BTBD10: variants seen among roughly 807,000 people sequenced by gnomAD.
The protein encoded by BTBD10 is BTB/POZ domain-containing protein 10.
A neutral mutation model predicts 53.2 loss-of-function variants in BTBD10; 21 were observed. The observed-to-expected ratio is 0.39, with a 90% CI of 0.28 to 0.57. The LOEUF (loss-of-function observed/expected upper bound fraction) is 0.57, where lower values mean the gene tolerates loss of function less well. Among genes scored for constraint, BTBD10 ranks in the 20% least tolerant of loss-of-function variants. The probability of loss-of-function intolerance (pLI) is 0.53; values close to 1 mark genes in which losing one functional copy is unlikely to be tolerated. For synonymous variants in BTBD10, 149 were observed against 192.7 expected (o/e 0.77, Z 1.88); for missense variants, 360 against 594.7 (o/e 0.61, Z 4.10).
chr11:13,402,426 G>A (rs1949733783), intron 8 of BTBD10, among the ~76,000 whole-genome samples: 1 of 152,100 alleles, frequency 6.6e-6, no homozygotes, highest in Non-Finnish European at 1.5e-5. Flanking sequence ...CATTTTAGAG[G>A]AAAGAAACTG....
intron 2 of BTBD10, chr11:13,439,955 C>T: frequency 6.5e-7 from 1 of 1,534,904 alleles, no homozygotes. Context: ...TATAAAGGGA[C>T]TCTGCTCTTT....
intron 2 of BTBD10, among the ~76,000 whole-genome samples, chr11:13,436,984 T>C (rs1323402889): frequency 6.6e-6 from 1 of 152,178 alleles, no homozygotes; most frequent in African/African-American, 2.4e-5. Flanking sequence ...GGTTTCACCA[T>C]GTTGTCCAGG....
rs889525495 is a variant in BTBD10, at chr11:13,444,983, T to C, written c.101+41A>G. 2.7e-6 allele frequency: 4 copies of C among 1,495,950 alleles called. No homozygotes were observed. The Admixed American group carries it at 6.7e-5, about 25-fold the overall frequency. 92.7% of individuals were successfully genotyped at this position (1,495,950 alleles called of 1,614,324 possible). ...AGTAGTATTCTTTACAATCAGTTTTTAGCAGAGCTTTCATATGCGAAATAC... is the reference window on the plus strand; with the variant it reads ...AGTAGTATTCTTTACAATCAGTTTTCAGCAGAGCTTTCATATGCGAAATAC... On this transcript the variant is annotated intron_variant, in intron 2 of 8. Coordinates refer to ENST00000278174, the MANE Select transcript of BTBD10 (RefSeq NM_032320.7).
chr11:13,459,248 C>T (rs1332914735), intron 1 of BTBD10, among the ~76,000 whole-genome samples: 3 of 151,432 alleles, frequency 2.0e-5, no homozygotes, highest in African/African-American at 4.8e-5. Flanking sequence ...TTAGTAGAGA[C>T]GGGGTTTCAC....
intron 2 of BTBD10, among the ~76,000 whole-genome samples, chr11:13,431,044 T>C (rs1950440009): frequency 1.3e-5 from 2 of 151,456 alleles, no homozygotes; most frequent in South Asian, 4.2e-4. Flanking sequence ...AATTGACCTC[T>C]TGGCCAAAAC....
rs1033602034 is a variant in BTBD10, at chr11:13,462,054, A to G, written c.-58+1038T>C. ...TCCTGGGTTTCAGGACTGAACTTCA[A>G]TCCTGGACAGGCTCTCTAATACAGA... On this transcript the variant is annotated intron_variant, in intron 1 of 8. Transcript: ENST00000278174. Among the ~76,000 whole-genome samples the G allele has an allele frequency of 3.3e-5, 5 of 151,754 alleles. No homozygotes were observed. The East Asian group carries it at 5.8e-4, about 18-fold the overall frequency.
At chr11:13,457,512 G>A (rs1021453297) in intron 1 of BTBD10, among the ~76,000 whole-genome samples, 2 of 152,146 alleles carry the variant, frequency 1.3e-5, no homozygotes, top group Non-Finnish European at 1.5e-5. Flanking sequence ...AGTATTCATT[G>A]TACTACCTTT....
chr11:13,399,375 C>T (rs1474942699), intron 8 of BTBD10, among the ~76,000 whole-genome samples: 1 of 152,182 alleles, frequency 6.6e-6, no homozygotes, highest in Non-Finnish European at 1.5e-5. Context: ...ACGTAGTTCT[C>T]GTGCCGTGGC....
At chr11:13,418,698 A>G (rs910775223) in intron 4 of BTBD10, among the ~76,000 whole-genome samples, 5 of 152,134 alleles carry the variant, frequency 3.3e-5, no homozygotes, top group Admixed American at 3.3e-4. Context: ...CACATTACAT[A>G]TGCAATCTAG....
At chr11:13,435,198 CA>C (rs1950524829) in intron 2 of BTBD10, among the ~76,000 whole-genome samples, 1 of 151,762 alleles carries the variant, frequency 6.6e-6, no homozygotes, top group Admixed American at 6.6e-5. Flanking sequence ...AATAGCTAGC[CA>C]CTATTAAAAA....
At chr11:13,395,112 C>A (rs11022794) in intron 8 of BTBD10, among the ~76,000 whole-genome samples, 1 of 131,602 alleles carries the variant, frequency 7.6e-6, no homozygotes, top group African/African-American at 2.6e-5. Context: ...CATGAGGAAT[C>A]GCCACACCAA....
At chr11:13,439,771 G>T in intron 2 of BTBD10, 1 of 817,250 alleles carries the variant, frequency 1.2e-6, no homozygotes, top group Non-Finnish European at 1.8e-6. Flanking sequence ...CTTTAGTCAT[G>T]TAAATGATCA....
intron 1 of BTBD10, among the ~76,000 whole-genome samples, chr11:13,446,125 A>G (rs1238730595): frequency 3.3e-5 from 5 of 152,190 alleles, no homozygotes; most frequent in Non-Finnish European, 7.4e-5. Context: ...AATTGCAGAC[A>G]CCAAAAGAGA....
At chr11:13,414,033 G>A (rs2135802007) in intron 5 of BTBD10, among the ~76,000 whole-genome samples, 1 of 152,192 alleles carries the variant, frequency 6.6e-6, no homozygotes, top group African/African-American at 2.4e-5. Context: ...TTTTTAAAAA[G>A]TAAGGAAATT....
intron 2 of BTBD10, among the ~76,000 whole-genome samples, chr11:13,433,156 C>G (rs1565258697): frequency 6.6e-6 from 1 of 152,244 alleles, no homozygotes; most frequent in Non-Finnish European, 1.5e-5. Flanking sequence ...GAATCTCTCT[C>G]TCTGACCTTC....
intron 8 of BTBD10, among the ~76,000 whole-genome samples, chr11:13,392,337 G>A (rs1488088370): frequency 1.3e-5 from 2 of 152,102 alleles, no homozygotes; most frequent in African/African-American, 2.4e-5. Context: ...GGCAGACAGA[G>A]TATCATTCTA....
At chr11:13,440,008 T>C (rs941788361) in intron 2 of BTBD10, 1 of 1,534,348 alleles carries the variant, frequency 6.5e-7, no homozygotes, top group Non-Finnish European at 8.7e-7. Context: ...TCCTTGGGCA[T>C]TACTAGGAAA....
chr11:13,458,585 G>T (rs1951022335), intron 1 of BTBD10, among the ~76,000 whole-genome samples: 1 of 152,112 alleles, frequency 6.6e-6, no homozygotes. Context: ...CAGTTAAGGG[G>T]CTTGATTTGC....
chr11:13,426,108 T>C (rs1212634584), intron 2 of BTBD10, among the ~76,000 whole-genome samples: 1 of 152,080 alleles, frequency 6.6e-6, no homozygotes, highest in African/African-American at 2.4e-5. Context: ...GGAAGTAATA[T>C]CTGAACTTTC....
Sources: allele counts gnomAD v4.1 joint callset (sites outside exome capture counted in the v4.1 genomes callset), GRCh38; gene constraint gnomAD v4.1.1; transcripts MANE v1.5; gene names NCBI Gene and HGNC (gene_info 2026-07-23, HGNC 2026-07-21).